Variants in FHIT observed in about 807,000 individuals in gnomAD.
FHIT encodes the protein fragile histidine triad diadenosine triphosphatase, also known as bis(5'-adenosyl)-triphosphatase.
In FHIT, 19 loss-of-function variants were observed where a neutral mutation model predicts 17.9. The ratio of observed to expected loss-of-function variants is 1.06; its 90% CI spans 0.74 to 1.56. The LOEUF (loss-of-function observed/expected upper bound fraction) is 1.56, where lower values mean the gene tolerates loss of function less well. Ranked by LOEUF, FHIT falls within the 40% of genes most tolerant of loss-of-function variation. The probability of loss-of-function intolerance (pLI) is 0.00; values close to 1 mark genes in which losing one functional copy is unlikely to be tolerated. For missense variants in FHIT, 248 were observed against 189.2 expected, an observed-to-expected ratio of 1.31 and a Z score of -1.82; for synonymous variants, 81 against 69.7, an observed-to-expected ratio of 1.16 and a Z score of -0.81.
Position 60,261,393 on chromosome 3 carries a change from G to A in FHIT, c.104-247241C>T, listed in dbSNP as rs10510835. Among the ~76,000 whole-genome samples, 6 of 151,786 alleles carry A rather than the reference G, an allele frequency of 4.0e-5. No homozygotes were observed. The East Asian group carries it at 7.7e-4, about 20-fold the overall frequency. ...CAAGGAACGTATTAATTTCAGAGAC[G>A]GTGAGTATTAGAATCATCAAAATAC... is the stretch of plus-strand genomic sequence containing the variant. On this transcript the variant is annotated intron_variant, in intron 5 of 9. Coordinates refer to ENST00000492590, the MANE Select transcript of FHIT (RefSeq NM_002012.4).
At chr3:61,016,920 A>C (rs1219910058) in intron 3 of FHIT, among the ~76,000 whole-genome samples, 1 of 152,258 alleles carries the variant, frequency 6.6e-6, no homozygotes, top group Non-Finnish European at 1.5e-5. Flanking sequence ...ACAAAAGATG[A>C]CCTGTATACT....
chr3:60,090,881 G>A (rs897753406), intron 5 of FHIT, among the ~76,000 whole-genome samples: 3 of 152,160 alleles, frequency 2.0e-5, no homozygotes, highest in African/African-American at 7.2e-5. Context: ...GGTAAGGTCC[G>A]CAAGGTGGAA....
chr3:60,077,721 C>CATAT lies in FHIT; in HGVS notation c.104-63570_104-63569insATAT, dbSNP rs1703084515. On this transcript the variant is annotated intron_variant, in intron 5 of 9. Transcript: ENST00000492590. ...ACACACACACACACACACACACACA[C>CATAT]ACACACACATATATAGAGGGGGGGG... Among the ~76,000 whole-genome samples the CATAT allele has an allele frequency of 5.9e-5, 6 of 101,480 alleles. No individual in the cohort carries two copies. The South Asian group carries it at 1.2e-3, about 21-fold the overall frequency. 66.6% of individuals were successfully genotyped at this position (101,480 alleles called of 152,430 possible).
intron 5 of FHIT, among the ~76,000 whole-genome samples, chr3:60,103,458 GATAAATT>G (rs1704276883): frequency 6.6e-6 from 1 of 152,130 alleles, no homozygotes; most frequent in African/African-American, 2.4e-5. Flanking sequence ...CAAACACCAC[GATAAATT>G]TGTGAAGAAA....
chr3:60,206,479 A>AG (rs1703197195), intron 5 of FHIT, among the ~76,000 whole-genome samples: 1 of 151,642 alleles, frequency 6.6e-6, no homozygotes, highest in Non-Finnish European at 1.5e-5. Flanking sequence ...CCAAAAGCAC[A>AG]ATTTTTTTCT....
At chr3:61,189,368 A>G (rs2038636482) in intron 2 of FHIT, among the ~76,000 whole-genome samples, 1 of 152,142 alleles carries the variant, frequency 6.6e-6, no homozygotes, top group Non-Finnish European at 1.5e-5. Context: ...TAGGAATCCA[A>G]CTTACAAGAG....
intron 2 of FHIT, among the ~76,000 whole-genome samples, chr3:61,140,167 T>C (rs2037039330): frequency 6.6e-6 from 1 of 152,220 alleles, no homozygotes; most frequent in African/African-American, 2.4e-5. Context: ...CTAAACACTC[T>C]GAACTTATTC....
At chr3:59,892,251 A>T (rs1007807083) in intron 8 of FHIT, among the ~76,000 whole-genome samples, 2 of 152,188 alleles carry the variant, frequency 1.3e-5, no homozygotes, top group African/African-American at 4.8e-5. Context: ...TGAACCTCCT[A>T]AGCAAACTGA....
chr3:60,692,426 A>C (rs1187035699), intron 4 of FHIT, among the ~76,000 whole-genome samples: 2 of 152,236 alleles, frequency 1.3e-5, no homozygotes, highest in African/African-American at 2.4e-5. Flanking sequence ...ATTATCCTCC[A>C]GTACCAGGGT....
intron 7 of FHIT, among the ~76,000 whole-genome samples, chr3:59,963,635 T>A (rs1383329655): frequency 6.6e-6 from 1 of 152,210 alleles, no homozygotes; most frequent in Non-Finnish European, 1.5e-5. Flanking sequence ...ATTTCATTTA[T>A]TCCTAAAAAT....
At chr3:60,454,444 G>A (rs544757910) in intron 5 of FHIT, among the ~76,000 whole-genome samples, 6 of 150,266 alleles carry the variant, frequency 4.0e-5, no homozygotes, top group East Asian at 2.0e-4. Flanking sequence ...GAGTGCACTC[G>A]CATGATCTCG....
At chr3:61,145,341 T>C (rs1479345145) in intron 2 of FHIT, among the ~76,000 whole-genome samples, 1 of 152,144 alleles carries the variant, frequency 6.6e-6, no homozygotes. Flanking sequence ...AAAAATCAAT[T>C]GACCATAAAT....
intron 4 of FHIT, among the ~76,000 whole-genome samples, chr3:60,597,265 G>A (rs781978660): frequency 2.6e-5 from 4 of 152,174 alleles, no homozygotes; most frequent in South Asian, 2.1e-4. Context: ...CCTTTTCATC[G>A]ATTTCCAATA....
intron 3 of FHIT, among the ~76,000 whole-genome samples, chr3:60,962,603 C>T (rs1458498152): frequency 2.6e-5 from 4 of 152,154 alleles, no homozygotes; most frequent in Non-Finnish European, 1.5e-5. Flanking sequence ...AGACACGTCC[C>T]ATCACTACCT....
At chr3:60,423,197 G>C (rs1300711661) in intron 5 of FHIT, among the ~76,000 whole-genome samples, 1 of 152,026 alleles carries the variant, frequency 6.6e-6, no homozygotes, top group Non-Finnish European at 1.5e-5. Context: ...TCAGGTCCTT[G>C]AGTAGAGTAG....
chr3:60,193,938 A>T (rs1049305205), intron 5 of FHIT, among the ~76,000 whole-genome samples: 2 of 152,226 alleles, frequency 1.3e-5, no homozygotes, highest in African/African-American at 4.8e-5. Context: ...ACTTGAAAGT[A>T]TCATAGACGA....
At chr3:60,911,312 T>C (rs1706728928) in intron 3 of FHIT, among the ~76,000 whole-genome samples, 1 of 152,118 alleles carries the variant, frequency 6.6e-6, no homozygotes, top group South Asian at 2.1e-4. Context: ...TGGATTTTTA[T>C]TTCTGCATTC....
intron 8 of FHIT, among the ~76,000 whole-genome samples, chr3:59,836,796 A>C (rs2106729420): frequency 6.6e-6 from 1 of 152,240 alleles, no homozygotes; most frequent in African/African-American, 2.4e-5. Flanking sequence ...GCCACCTGTC[A>C]AGAGAAATGC....
At chr3:59,988,238 A>G (rs990905508) in intron 7 of FHIT, among the ~76,000 whole-genome samples, 1 of 152,056 alleles carries the variant, frequency 6.6e-6, no homozygotes, top group Non-Finnish European at 1.5e-5. Context: ...TTAAAAATGC[A>G]CAAACAACCT....
Sources: gnomAD v4.1 joint callset for allele counts (sites outside exome capture counted in the v4.1 genomes callset) on GRCh38, gnomAD v4.1.1 for gene constraint, MANE v1.5 for transcripts, NCBI Gene and HGNC (gene_info 2026-07-23, HGNC 2026-07-21) for gene names.